Variants in PLA1A observed in about 807,000 individuals in gnomAD.
PLA1A encodes phosphatidylserine-specific phospholipase A1alpha.
Under a neutral mutation model 49.4 loss-of-function variants are expected in PLA1A, and 47 were observed. That is an observed-to-expected ratio of 0.95 (90% CI 0.75 to 1.21). The LOEUF is 1.21. Among genes scored for constraint, PLA1A ranks in the 50% most tolerant of loss-of-function variants. PLA1A has a pLI of 0.00. For synonymous variants in PLA1A, 224 were observed against 207.9 expected, an observed-to-expected ratio of 1.08 and a Z score of -0.67; for missense variants, 561 against 563.9, an observed-to-expected ratio of 0.99 and a Z score of 0.05.
chr3:119,609,693 CA>C, intron 4 of PLA1A, 117 bp downstream of exon 4: 1 of 543,718 alleles, frequency 1.8e-6, no homozygotes, highest in East Asian at 3.1e-5. Context: ...ACGATCAAGT[CA>C]CCTATTACCA....
chr3:119,608,028 G>A lies in PLA1A; in HGVS notation c.276-742G>A, dbSNP rs77059052. 7.6e-3 allele frequency among the ~76,000 whole-genome samples: 1,161 copies of A among 152,196 alleles called. 8 individuals carry two copies. Among genetic ancestry groups the A allele is most frequent in the Non-Finnish European group, 0.012 (825 of 68,026 alleles). On this transcript the variant is annotated intron_variant, in intron 2 of 10. Transcript: ENST00000273371. Reference sequence around the variant, plus strand: ...TTTCCTGGAAAAGTCCCACTATACAGTAAGTTCCAGAAGGACAGGGACTAT... The same window carrying A: ...TTTCCTGGAAAAGTCCCACTATACAATAAGTTCCAGAAGGACAGGGACTAT...
intron 1 of PLA1A, chr3:119,600,352 TG>T: frequency 1.4e-6 from 1 of 702,810 alleles, no homozygotes; most frequent in East Asian, 2.7e-5. Context: ...GCTTCCAGGC[TG>T]GCTCAGGCGT....
At chr3:119,621,436 G>A (rs1367991769) in intron 8 of PLA1A, among the ~76,000 whole-genome samples, 11 of 152,162 alleles carry the variant, frequency 7.2e-5, no homozygotes. Context: ...GACAGATATG[G>A]GTAGGGAGGG....
intron 9 of PLA1A, among the ~76,000 whole-genome samples, chr3:119,627,898 G>A (rs2107803379): frequency 6.6e-6 from 1 of 152,320 alleles, no homozygotes; most frequent in Non-Finnish European, 1.5e-5. Context: ...TACCTAGGGG[G>A]TACCACAGCC....
At chr3:119,603,826 C>A (rs1487668846) in intron 1 of PLA1A, among the ~76,000 whole-genome samples, 1 of 152,168 alleles carries the variant, frequency 6.6e-6, no homozygotes, top group African/African-American at 2.4e-5. Flanking sequence ...TAAAGTGGAG[C>A]AGTACCTTAA....
At chr3:119,615,757 G>C (rs930633375) in intron 5 of PLA1A, among the ~76,000 whole-genome samples, 3 of 152,036 alleles carry the variant, frequency 2.0e-5, no homozygotes, top group Non-Finnish European at 4.4e-5. Flanking sequence ...GTTGCAGTGA[G>C]AGAAGATGGC....
At chr3:119,607,366 G>A (rs2082703409) in intron 2 of PLA1A, among the ~76,000 whole-genome samples, 1 of 152,192 alleles carries the variant, frequency 6.6e-6, no homozygotes, top group Non-Finnish European at 1.5e-5. Context: ...GTGTGATGGA[G>A]CTATGCACGT....
At chr3:119,612,976 C>G in intron 4 of PLA1A, 41 bp from the exon 5 acceptor site, 1 of 1,295,996 alleles carries the variant, frequency 7.7e-7, no homozygotes, top group Non-Finnish European at 1.1e-6. Flanking sequence ...GTTCCTGCAG[C>G]TGAGAGGAAA....
At chr3:119,602,563 T>C (rs2082631580) in intron 1 of PLA1A, among the ~76,000 whole-genome samples, 1 of 152,154 alleles carries the variant, frequency 6.6e-6, no homozygotes, top group Non-Finnish European at 1.5e-5. Flanking sequence ...CAAAAGTACA[T>C]CTAGCTCATT....
intron 8 of PLA1A, among the ~76,000 whole-genome samples, chr3:119,620,635 A>G (rs2082916482): frequency 6.6e-6 from 1 of 152,240 alleles, no homozygotes; most frequent in Admixed American, 6.5e-5. Context: ...AATGGTGCAC[A>G]GGAGATCACT....
intron 6 of PLA1A, among the ~76,000 whole-genome samples, chr3:119,617,748 AAAAAGAAAAG>A (rs1158078922): frequency 1.3e-5 from 2 of 151,534 alleles, no homozygotes; most frequent in Middle Eastern, 3.2e-3. Flanking sequence ...GTCTCAAAAA[AAAAAGAAAAG>A]AAAAGAAAAG....
rs1335923127 is a variant in PLA1A at position 119,616,066 on chromosome 3, A to G, written c.719A>G (p.Gln240Arg). The change falls in exon 6 of 11, where the codon CAA (glutamine) becomes CGA (arginine). Residue 240 changes from glutamine to arginine, a missense_variant. Transcript: ENST00000273371. ...GHVDYFVNGG[Q>R]DQPGCPTFFY... ...GTGGACTACTTCGTCAACGGAGGCC[A>G]AGACCAACCTGGCTGCCCCACCTTC... is the stretch of plus-strand genomic sequence containing the variant. The G allele has an allele frequency of 1.2e-6, 2 of 1,613,690 alleles. No individual in the cohort carries two copies. The highest frequency in any genetic ancestry group is 1.7e-6 in the Non-Finnish European group (2 of 1,179,572).
intron 2 of PLA1A, among the ~76,000 whole-genome samples, chr3:119,608,230 G>GAAAGAA (rs1445174162): frequency 1.9e-4 from 14 of 74,834 alleles, no homozygotes; most frequent in East Asian, 4.5e-4. Context: ...AAGAAAGAGA[G>GAAAGAA]AGAAAGAAAG....
At position 119,609,407 on chromosome 3, in the gene PLA1A, GC is replaced by G. The variant is rs1260193927; in HGVS notation, c.454-59del. On this transcript the variant is annotated intron_variant, in intron 3 of 10. Coordinates refer to ENST00000273371, the MANE Select transcript of PLA1A (RefSeq NM_015900.4). ...CTTCTGAAGCTTTGGGGGAAAGCCT[GC>G]CACTGTGAAGCCAGCAGACTCTGTG... is the stretch of plus-strand genomic sequence containing the variant. The G allele has an allele frequency of 9.7e-6, 10 of 1,029,184 alleles. No homozygotes were observed. The Admixed American group carries it at 1.7e-4, about 17-fold the overall frequency. 63.8% of individuals were successfully genotyped at this position (1,029,184 alleles called of 1,614,324 possible). A position where few individuals can be genotyped will look rare whatever the true frequency, so the allele number is the denominator to read the frequency against.
intron 1 of PLA1A, among the ~76,000 whole-genome samples, chr3:119,601,173 A>T (rs900078533): frequency 6.6e-6 from 1 of 152,214 alleles, no homozygotes; most frequent in Admixed American, 6.5e-5. Context: ...ACAGAATCAA[A>T]ACTGTTTTAG....
chr3:119,622,367 A>C (rs1356274818), intron 8 of PLA1A, among the ~76,000 whole-genome samples: 2 of 152,194 alleles, frequency 1.3e-5, no homozygotes, highest in African/African-American at 4.8e-5. Flanking sequence ...CATCCTTTCC[A>C]GTTCAGCCCT....
chr3:119,609,105 G>C (rs1394502764), intron 3 of PLA1A, among the ~76,000 whole-genome samples, 158 bp downstream of exon 3: 4 of 152,142 alleles, frequency 2.6e-5, no homozygotes, highest in African/African-American at 7.2e-5. Flanking sequence ...TCACAGCACT[G>C]ACCTCGGGCA....
chr3:119,615,873 A>G (rs963110117), intron 5 of PLA1A, 139 bp from the exon 6 acceptor site: 2 of 625,316 alleles, frequency 3.2e-6, no homozygotes, highest in African/African-American at 3.7e-5. Context: ...AATCTGTCTG[A>G]GGGCTCATCC....
At chr3:119,617,062 T>G (rs1431918303) in intron 6 of PLA1A, among the ~76,000 whole-genome samples, 1 of 151,500 alleles carries the variant, frequency 6.6e-6, no homozygotes, top group Non-Finnish European at 1.5e-5. Context: ...GCAGGGAGAG[T>G]TTAAAGACCC....
Sources: allele counts gnomAD v4.1 joint callset (sites outside exome capture counted in the v4.1 genomes callset), GRCh38; gene constraint gnomAD v4.1.1; transcripts MANE v1.5; gene names NCBI Gene and HGNC (gene_info 2026-07-23, HGNC 2026-07-21).